ATP8B4: variants seen among roughly 807,000 people sequenced by gnomAD.
ATP8B4 encodes probable phospholipid-transporting ATPase IM.
A neutral mutation model predicts 145.6 loss-of-function variants in ATP8B4; 133 were observed. The ratio of observed to expected loss-of-function variants is 0.91; its 90% CI spans 0.79 to 1.05. The LOEUF (loss-of-function observed/expected upper bound fraction) is 1.05, where lower values mean the gene tolerates loss of function less well. Among genes scored for constraint, ATP8B4 ranks in the 50% least tolerant of loss-of-function variants. ATP8B4 has a pLI of 0.00. For missense variants in ATP8B4, 1,458 were observed against 1,425.2 expected (o/e 1.02, Z -0.37); for synonymous variants, 507 against 492.9 (o/e 1.03, Z -0.38).
At chr15:50,171,012 A>C (rs1038718958) in intron 1 of ATP8B4, among the ~76,000 whole-genome samples, 6 of 152,190 alleles carry the variant, frequency 3.9e-5, no homozygotes, top group African/African-American at 1.4e-4. Context: ...AAAATATCAC[A>C]ATCCTAAATA....
At chr15:49,945,663 A>G (rs2042502607) in intron 14 of ATP8B4, among the ~76,000 whole-genome samples, 1 of 152,192 alleles carries the variant, frequency 6.6e-6, no homozygotes, top group Non-Finnish European at 1.5e-5. Flanking sequence ...ACAAAGTGGG[A>G]TTTATTCCTG....
At chr15:49,936,086 C>A (rs2041712763) in intron 14 of ATP8B4, among the ~76,000 whole-genome samples, 1 of 151,942 alleles carries the variant, frequency 6.6e-6, no homozygotes, top group Non-Finnish European at 1.5e-5. Flanking sequence ...AAGATTGATT[C>A]TAAAAGTTGA....
chr15:50,168,304 GA>G (rs2044622829), intron 1 of ATP8B4, among the ~76,000 whole-genome samples: 1 of 152,180 alleles, frequency 6.6e-6, no homozygotes, highest in African/African-American at 2.4e-5. Flanking sequence ...CAGACCCTCT[GA>G]AGGAAGTAGA....
intron 3 of ATP8B4, among the ~76,000 whole-genome samples, chr15:50,056,962 G>A (rs2052655029): frequency 6.6e-6 from 1 of 152,052 alleles, no homozygotes. Flanking sequence ...CTGGCCTCAG[G>A]TGATCCTCCC....
chr15:49,877,400 G>A (rs2034620342), intron 24 of ATP8B4, among the ~76,000 whole-genome samples: 1 of 152,174 alleles, frequency 6.6e-6, no homozygotes, highest in Admixed American at 6.5e-5. Context: ...ACAGGTGGAG[G>A]AGAAGAGGCG....
chr15:49,955,312 C>T (rs76688352), intron 14 of ATP8B4, among the ~76,000 whole-genome samples: 2,100 of 152,128 alleles, frequency 0.014, 39 homozygotes, highest in East Asian at 0.051. Context: ...ACATGTACCC[C>T]GATTCTAAAA....
chr15:50,095,039 G>A (rs2055879482), intron 2 of ATP8B4, among the ~76,000 whole-genome samples: 1 of 152,054 alleles, frequency 6.6e-6, no homozygotes, highest in African/African-American at 2.4e-5. Flanking sequence ...GAAGCCAAGA[G>A]CATCAAAACG....
chr15:49,869,200 C>T (rs1271745254), intron 25 of ATP8B4, among the ~76,000 whole-genome samples: 5 of 151,804 alleles, frequency 3.3e-5, no homozygotes, highest in African/African-American at 1.2e-4. Flanking sequence ...GCGTGAGCCA[C>T]TGAGCCTGGC....
intron 14 of ATP8B4, among the ~76,000 whole-genome samples, chr15:49,951,493 G>T (rs977834320): frequency 6.6e-6 from 1 of 151,942 alleles, no homozygotes; most frequent in African/African-American, 2.4e-5. Flanking sequence ...TTTAAAGTCC[G>T]ATTTGTCAGA....
intron 3 of ATP8B4, among the ~76,000 whole-genome samples, chr15:50,054,122 G>C (rs887982156): frequency 4.6e-5 from 7 of 152,168 alleles, no homozygotes; most frequent in Admixed American, 4.6e-4. Flanking sequence ...CAATGTACTA[G>C]TCAGGATAAC....
At chr15:49,974,588 T>G (rs2045505656) in intron 12 of ATP8B4, among the ~76,000 whole-genome samples, 1 of 152,134 alleles carries the variant, frequency 6.6e-6, no homozygotes, top group Non-Finnish European at 1.5e-5. Context: ...AGGATCAAAT[T>G]TATCAAAAGT....
chr15:49,868,249 C>A (rs1210758565), intron 25 of ATP8B4, among the ~76,000 whole-genome samples: 1 of 152,054 alleles, frequency 6.6e-6, no homozygotes, highest in African/African-American at 2.4e-5. Context: ...AACTGTGAAA[C>A]AACACAAAAT....
At chr15:50,046,585 T>C (rs2051740937) in intron 4 of ATP8B4, among the ~76,000 whole-genome samples, 1 of 152,232 alleles carries the variant, frequency 6.6e-6, no homozygotes, top group African/African-American at 2.4e-5. Flanking sequence ...GAGAAAACAG[T>C]ACTCAAATCT....
chr15:50,066,625 A>G (rs1166790998), intron 3 of ATP8B4, among the ~76,000 whole-genome samples: 6 of 152,154 alleles, frequency 3.9e-5, no homozygotes, highest in African/African-American at 7.2e-5. Context: ...TTACCTTTCC[A>G]TGGATTTTAA....
chr15:50,153,502 C>A (rs1022427117), intron 1 of ATP8B4, among the ~76,000 whole-genome samples: 2 of 152,104 alleles, frequency 1.3e-5, no homozygotes, highest in Non-Finnish European at 2.9e-5. Flanking sequence ...CCGTGCCCAG[C>A]TAATTTTTGT....
chr15:50,021,628 C>T (rs1343276143), intron 6 of ATP8B4, among the ~76,000 whole-genome samples: 1 of 152,202 alleles, frequency 6.6e-6, no homozygotes, highest in African/African-American at 2.4e-5. Flanking sequence ...ATCTCCCCAT[C>T]TCCCATCCCA....
chr15:50,054,641 G>A (rs568890557), intron 3 of ATP8B4, among the ~76,000 whole-genome samples: 29 of 151,892 alleles, frequency 1.9e-4, no homozygotes, highest in Middle Eastern at 6.8e-3. Context: ...AAAATTGGCC[G>A]TGTGTGGTGG....
At position 49,918,830 on chromosome 15, in the gene ATP8B4, T is replaced by C. The variant is rs377643743; in HGVS notation, c.2035+9A>G. The C allele has an allele frequency of 6.3e-7, 1 of 1,580,930 alleles. No individual in the cohort carries two copies. Among genetic ancestry groups the C allele is most frequent in the African/African-American group, 1.4e-5 (1 of 73,952 alleles). ...TTCAAAATATCATCAACATCCATTT[T>C]CAAGTTACCTTGTTTGTCTCCTGTT... On this transcript the variant is annotated intron_variant, in intron 19 of 27. Coordinates refer to ENST00000284509, the MANE Select transcript of ATP8B4 (RefSeq NM_024837.4).
intron 25 of ATP8B4, among the ~76,000 whole-genome samples, chr15:49,870,663 T>G (rs1481482649): frequency 1.3e-5 from 2 of 152,240 alleles, no homozygotes; most frequent in Non-Finnish European, 2.9e-5. Flanking sequence ...GTTATTATTC[T>G]ATATATTAAA....
Sources: allele counts gnomAD v4.1 joint callset (sites outside exome capture counted in the v4.1 genomes callset), GRCh38; gene constraint gnomAD v4.1.1; transcripts MANE v1.5; gene names NCBI Gene and HGNC (gene_info 2026-07-23, HGNC 2026-07-21).